Variants in DDHD1 observed in about 807,000 individuals in gnomAD.
The protein encoded by DDHD1 is DDHD domain containing 1.
DDHD1 carries 49 observed loss-of-function variants against 96.4 expected under a neutral mutation model. That is an observed-to-expected ratio of 0.51 (90% confidence interval 0.40 to 0.64). The LOEUF is 0.64. Among genes scored for constraint, DDHD1 ranks in the 30% least tolerant of loss-of-function variants. The pLI, the probability that DDHD1 is intolerant of heterozygous loss-of-function variation, is 0.00. For synonymous variants in DDHD1, 442 were observed against 446.5 expected (o/e 0.99, Z 0.13); for missense variants, 1,106 against 1,161.2 (o/e 0.95, Z 0.69).
chr14:53,107,185 C>T (rs991466176), intron 1 of DDHD1, among the ~76,000 whole-genome samples: 2 of 152,042 alleles, frequency 1.3e-5, no homozygotes, highest in African/African-American at 2.4e-5. Context: ...TATGATAAAG[C>T]TTACTTTATA....
At chr14:53,121,871 T>C in intron 1 of DDHD1, among the ~76,000 whole-genome samples, 1 of 148,762 alleles carries the variant, frequency 6.7e-6, no homozygotes, top group African/African-American at 2.5e-5. Context: ...CCATGGCACA[T>C]ATACACCTAT....
At chr14:53,084,471 A>G (rs1461121774) in intron 4 of DDHD1, among the ~76,000 whole-genome samples, 1 of 152,208 alleles carries the variant, frequency 6.6e-6, no homozygotes, top group Non-Finnish European at 1.5e-5. Context: ...TTCAAGCAAA[A>G]TATCTGCATA....
chr14:53,107,207 A>G (rs550080110), intron 1 of DDHD1, among the ~76,000 whole-genome samples: 4 of 152,340 alleles, frequency 2.6e-5, no homozygotes, highest in African/African-American at 9.6e-5. Context: ...ATTAGGCACA[A>G]TAAGAGATTA....
At chr14:53,059,275 C>T (rs530295589) in intron 8 of DDHD1, among the ~76,000 whole-genome samples, 48 of 152,112 alleles carry the variant, frequency 3.2e-4, no homozygotes, top group Non-Finnish European at 4.1e-4. Flanking sequence ...GACCGAGTCT[C>T]GCTCTGTCAC....
chr14:53,063,377 C>T (rs1458999847), intron 6 of DDHD1, among the ~76,000 whole-genome samples, 172 bp from the exon 7 acceptor site: 1 of 151,698 alleles, frequency 6.6e-6, no homozygotes, highest in Non-Finnish European at 1.5e-5. Context: ...GTAAGGTATA[C>T]ATACTATTAT....
intron 1 of DDHD1, among the ~76,000 whole-genome samples, chr14:53,111,378 A>G (rs539526570): frequency 6.6e-6 from 1 of 150,782 alleles, no homozygotes; most frequent in African/African-American, 2.5e-5. Context: ...ACTATATCCC[A>G]TAAATCATTT....
rs752313648 is a variant in DDHD1, at chr14:53,103,871, T to A, written c.839-15A>T. ...TTTATCAGCCTCTGAAAAAGAGAAA[T>A]CACAGAATTATACACATTTTAAGAT... On this transcript the variant is annotated splice_polypyrimidine_tract_variant and intron_variant, in intron 1 of 12. Coordinates refer to ENST00000673822, the MANE Select transcript of DDHD1 (RefSeq NM_001160148.2). 5 of 1,583,896 alleles carry A rather than the reference T, an allele frequency of 3.2e-6. No individual in the cohort carries two copies. In the East Asian group the frequency reaches 1.1e-4, roughly 36 times the overall value.
intron 3 of DDHD1, chr14:53,092,663 G>A (rs1288018500): frequency 1.3e-5 from 2 of 152,068 alleles, no homozygotes; most frequent in East Asian, 1.9e-4. Flanking sequence ...GACAACACAA[G>A]GAGACTCCGT....
chr14:53,062,727 G>A (rs914451439), intron 7 of DDHD1, among the ~76,000 whole-genome samples: 6 of 152,046 alleles, frequency 3.9e-5, no homozygotes, highest in Non-Finnish European at 8.8e-5. Flanking sequence ...GGAAAACAAG[G>A]AGAATAACAA....
At chr14:53,121,951 T>C (rs998264538) in intron 1 of DDHD1, among the ~76,000 whole-genome samples, 2 of 150,296 alleles carry the variant, frequency 1.3e-5, no homozygotes, top group African/African-American at 4.9e-5. Flanking sequence ...AATGATACTG[T>C]GTAAATTATC....
chr14:53,052,409 A>G (rs1230968548), intron 11 of DDHD1: 1 of 152,880 alleles, frequency 6.5e-6, no homozygotes, highest in African/African-American at 2.4e-5. Flanking sequence ...CAAAGTCGGT[A>G]GCTTCAGAAT....
rs1203379913 is a variant in DDHD1, at chr14:53,134,992, CT to C, written c.838+17268del. On this transcript the variant is annotated intron_variant, in intron 1 of 12. Coordinates refer to ENST00000673822, the MANE Select transcript of DDHD1 (RefSeq NM_001160148.2). Reference sequence around the variant, plus strand: ...CCCACTATAGGTTCCCACGCTGCCCCTAATTCCGCTCGAAGCAGCCCTGAGA... The same window carrying C: ...CCCACTATAGGTTCCCACGCTGCCCCAATTCCGCTCGAAGCAGCCCTGAGA... Among the ~76,000 whole-genome samples, 9 of 152,336 alleles carry C rather than the reference CT, an allele frequency of 5.9e-5. No homozygotes were observed. The East Asian group carries it at 1.7e-3, about 29-fold the overall frequency.
At chr14:53,087,197 C>G (rs894684390) in intron 4 of DDHD1, among the ~76,000 whole-genome samples, 17 of 151,990 alleles carry the variant, frequency 1.1e-4, no homozygotes, top group African/African-American at 3.6e-4. Flanking sequence ...CTTAGACTCC[C>G]ATAGAATAAT....
At chr14:53,128,713 A>G (rs1889643614) in intron 1 of DDHD1, among the ~76,000 whole-genome samples, 1 of 152,218 alleles carries the variant, frequency 6.6e-6, no homozygotes, top group African/African-American at 2.4e-5. Context: ...ACAAAAGTCT[A>G]TCACTTCTAC....
At chr14:53,107,745 C>A (rs369754872) in intron 1 of DDHD1, among the ~76,000 whole-genome samples, 1 of 152,106 alleles carries the variant, frequency 6.6e-6, no homozygotes, top group East Asian at 1.9e-4. Context: ...GAGCTGAGAT[C>A]GTGCTGAGAG....
intron 4 of DDHD1, among the ~76,000 whole-genome samples, chr14:53,089,330 G>A (rs1886242447): frequency 6.6e-6 from 1 of 152,012 alleles, no homozygotes; most frequent in Admixed American, 6.5e-5. Flanking sequence ...AGTTCATATG[G>A]AACCAAAAAA....
At chr14:53,146,911 A>G (rs1374230601) in intron 1 of DDHD1, among the ~76,000 whole-genome samples, 7 of 150,956 alleles carry the variant, frequency 4.6e-5, no homozygotes, top group African/African-American at 1.7e-4. Flanking sequence ...GTATATCTGT[A>G]CCCTTCATCA....
At chr14:53,055,228 T>C (rs1312514513) in intron 10 of DDHD1, among the ~76,000 whole-genome samples, 1 of 152,202 alleles carries the variant, frequency 6.6e-6, no homozygotes, top group Non-Finnish European at 1.5e-5. Flanking sequence ...TTAAACATCC[T>C]TGTTGCCCTC....
At chr14:53,088,466 T>A (rs1160119434) in intron 4 of DDHD1, among the ~76,000 whole-genome samples, 1 of 152,070 alleles carries the variant, frequency 6.6e-6, no homozygotes, top group Non-Finnish European at 1.5e-5. Context: ...AAAAAGCGTA[T>A]CCACCAAGAT....
Sources: allele counts gnomAD v4.1 joint callset (sites outside exome capture counted in the v4.1 genomes callset), GRCh38; gene constraint gnomAD v4.1.1; transcripts MANE v1.5; gene names NCBI Gene and HGNC (gene_info 2026-07-23, HGNC 2026-07-21).